The following PIBF1 variants were observed in gnomAD, a reference collection of about 807,000 sequenced individuals.
PIBF1 encodes progesterone-induced-blocking factor 1.
PIBF1 carries 90 observed loss-of-function variants against 112.5 expected under a neutral mutation model. That is an observed-to-expected ratio of 0.80 (90% CI 0.67 to 0.95). The LOEUF is 0.95. Ranked by LOEUF, PIBF1 falls within the 40% of genes least tolerant of loss-of-function variation. PIBF1 has a pLI of 0.00. For synonymous variants in PIBF1, 301 were observed against 288.6 expected (o/e 1.04, Z -0.44); for missense variants, 915 against 852.3 (o/e 1.07, Z -0.92).
At chr13:73,004,853 C>T (rs58809763) in intron 17 of PIBF1, among the ~76,000 whole-genome samples, 32,327 of 151,996 alleles carry the variant, frequency 0.21, 3,518 homozygotes, top group East Asian at 0.26. Flanking sequence ...ATAGTTGCAT[C>T]GTAATGTGAA....
intron 13 of PIBF1, among the ~76,000 whole-genome samples, chr13:72,921,917 T>C (rs555421284): frequency 2.7e-4 from 41 of 152,328 alleles, no homozygotes; most frequent in African/African-American, 8.4e-4. Context: ...GACGATATTG[T>C]TTTAAAATTA....
chr13:72,892,243 G>A (rs2040086663), intron 10 of PIBF1, among the ~76,000 whole-genome samples: 2 of 151,994 alleles, frequency 1.3e-5, no homozygotes, highest in Non-Finnish European at 2.9e-5. Context: ...TAATAAAATT[G>A]TAAAAAGTTT....
At chr13:72,830,603 C>T (rs989452020) in intron 8 of PIBF1, among the ~76,000 whole-genome samples, 11 of 152,122 alleles carry the variant, frequency 7.2e-5, no homozygotes, top group Admixed American at 2.0e-4. Context: ...TTGAACCAGC[C>T]TTGCCTCCCT....
rs1285076489 is a variant in PIBF1, at chr13:72,928,735, C to T, written c.1731-2430C>T. ...GATTATAGGCGTGAGCCACCTCACC[C>T]GGCAAGAATTTCTTGAGTCAGTGTT... On this transcript the variant is annotated intron_variant, in intron 13 of 17. Transcript: ENST00000326291. Among the ~76,000 whole-genome samples, 7 of 152,262 alleles carry T rather than the reference C, an allele frequency of 4.6e-5. No individual in the cohort carries two copies. The South Asian group carries it at 6.2e-4, about 14-fold the overall frequency.
At chr13:72,887,361 A>G (rs1343856558) in intron 10 of PIBF1, among the ~76,000 whole-genome samples, 1 of 151,976 alleles carries the variant, frequency 6.6e-6, no homozygotes, top group African/African-American at 2.4e-5. Context: ...TATAGTTTAC[A>G]TAAAACTTGT....
chr13:72,817,567 T>G (rs1473206736), intron 5 of PIBF1, among the ~76,000 whole-genome samples: 2 of 152,218 alleles, frequency 1.3e-5, no homozygotes, highest in Non-Finnish European at 2.9e-5. Context: ...TACAGAAAAC[T>G]TCCTTAGAGT....
chr13:72,926,918 A>G (rs1345828713), intron 13 of PIBF1, among the ~76,000 whole-genome samples: 1 of 152,204 alleles, frequency 6.6e-6, no homozygotes, highest in Admixed American at 6.5e-5. Context: ...CTCAGTGCCT[A>G]TGCAGATTAT....
chr13:72,960,305 A>G (rs2042571017), intron 14 of PIBF1, among the ~76,000 whole-genome samples: 1 of 152,168 alleles, frequency 6.6e-6, no homozygotes, highest in Non-Finnish European at 1.5e-5. Context: ...TGGCGACTCA[A>G]GAGGCTGAAG....
In PIBF1 at chr13:72,835,311, A is replaced by G. The variant is rs772350455; in HGVS notation, c.1166A>G (p.Asn389Ser). 1.9e-6 allele frequency: 3 copies of G among 1,599,972 alleles called. No individual in the cohort carries two copies. The highest frequency in any genetic ancestry group is 2.6e-6 in the Non-Finnish European group (3 of 1,174,070). ...CTAGAACAAATCAGATTGAAAACCA[A>G]CCAAGAAATTGATCAACTTCGAAAT... ...DELEQIRLKTNQEIDQLRNAS... is the reference protein window; with the variant it reads ...DELEQIRLKTSQEIDQLRNAS... The change falls in exon 9 of 18, where the codon AAC (asparagine) becomes AGC (serine). Residue 389 changes from asparagine (N) to serine (S), a missense_variant. Transcript: ENST00000326291.
chr13:72,846,012 A>C (rs1360617773), intron 9 of PIBF1, among the ~76,000 whole-genome samples: 2 of 152,266 alleles, frequency 1.3e-5, no homozygotes, highest in East Asian at 3.9e-4. Context: ...TAGCTTCCAT[A>C]GTGTCACACA....
chr13:72,841,686 C>A (rs1016433601), intron 9 of PIBF1, among the ~76,000 whole-genome samples: 3 of 152,032 alleles, frequency 2.0e-5, no homozygotes, highest in African/African-American at 7.2e-5. Context: ...GGGAGGATCA[C>A]CTGAGCCTGG....
chr13:72,965,798 A>G (rs937931730), intron 15 of PIBF1, among the ~76,000 whole-genome samples: 4 of 152,224 alleles, frequency 2.6e-5, no homozygotes, highest in African/African-American at 9.6e-5. Context: ...CAAAAAATTT[A>G]CATTTACTTA....
At chr13:72,808,496 C>G (rs1225438797) in intron 5 of PIBF1, among the ~76,000 whole-genome samples, 1 of 152,060 alleles carries the variant, frequency 6.6e-6, no homozygotes, top group Non-Finnish European at 1.5e-5. Flanking sequence ...ATTTTATGTA[C>G]CTCTAAACGG....
chr13:72,989,635 G>A (rs1186253857), intron 16 of PIBF1, among the ~76,000 whole-genome samples: 1 of 152,102 alleles, frequency 6.6e-6, no homozygotes, highest in African/African-American at 2.4e-5. Flanking sequence ...GAGTTTCTTA[G>A]GTTTTGGTTT....
At chr13:72,855,280 C>T (rs937325572) in intron 10 of PIBF1, among the ~76,000 whole-genome samples, 19 of 152,112 alleles carry the variant, frequency 1.2e-4, no homozygotes, top group Non-Finnish European at 2.1e-4. Context: ...TGTCATACTT[C>T]TGAATTCACA....
chr13:73,002,478 A>G (rs2043901821), intron 17 of PIBF1, among the ~76,000 whole-genome samples: 1 of 152,194 alleles, frequency 6.6e-6, no homozygotes, highest in South Asian at 2.1e-4. Flanking sequence ...AGAAAAACCT[A>G]GAGCTATTCT....
intron 16 of PIBF1, among the ~76,000 whole-genome samples, chr13:72,981,305 A>G (rs550669470): frequency 6.6e-6 from 1 of 151,396 alleles, no homozygotes; most frequent in East Asian, 1.9e-4. Flanking sequence ...AAATAAAAAA[A>G]AGCTTTTGCC....
chr13:72,821,726 G>C, intron 5 of PIBF1, 123 bp from the exon 6 acceptor site: 1 of 624,840 alleles, frequency 1.6e-6, no homozygotes. Context: ...TAAAAATTGA[G>C]GAATTTTTTT....
chr13:72,818,548 T>A (rs2036396933), intron 5 of PIBF1, among the ~76,000 whole-genome samples: 1 of 152,104 alleles, frequency 6.6e-6, no homozygotes, highest in Non-Finnish European at 1.5e-5. Context: ...ATTTCCTATA[T>A]TTTTTATGTT....
Sources: allele counts gnomAD v4.1 joint callset (sites outside exome capture counted in the v4.1 genomes callset), GRCh38; gene constraint gnomAD v4.1.1; transcripts MANE v1.5; gene names NCBI Gene and HGNC (gene_info 2026-07-23, HGNC 2026-07-21).